Variants in SIGLEC15 observed in about 807,000 individuals in gnomAD.
SIGLEC15 encodes the protein sialic acid-binding Ig-like lectin 15.
SIGLEC15 carries 31 observed loss-of-function variants against 26.2 expected under a neutral mutation model. The observed-to-expected ratio is 1.18, with a 90% CI of 0.89 to 1.60. SIGLEC15 has a LOEUF of 1.60. Among genes scored for constraint, SIGLEC15 ranks in the 40% most tolerant of loss-of-function variants. The pLI, the probability that SIGLEC15 is intolerant of heterozygous loss-of-function variation, is 0.00. For synonymous variants in SIGLEC15, 207 were observed against 221.9 expected, an observed-to-expected ratio of 0.93 and a Z score of 0.60; for missense variants, 501 against 488.4, an observed-to-expected ratio of 1.03 and a Z score of -0.24.
At chr18:45,840,188 C>A in intron 4 of SIGLEC15, 23 bp from the exon 5 acceptor site, 1 of 1,612,776 alleles carries the variant, frequency 6.2e-7, no homozygotes. Context: ...TTCATGCCTG[C>A]TCTCTTGCTG....
In SIGLEC15 at chr18:45,837,042, A is replaced by C; in HGVS notation, c.66A>C (p.Arg22Ser). ...AWVLPTGSFV[R>S]TKIDTTENLL... ...GTTTATCTGTAGGCTCATTTGTGAG[A>C]ACTAAAATAGATACTACGGAGAACT... The change falls in exon 2 of 6, where the codon AGA (arginine) becomes AGC (serine). Residue 22 changes from arginine to serine, a missense_variant. Physicochemically the swap from Arg to Ser is moderately radical, Grantham distance 110 (BLOSUM62 -1). Coordinates refer to ENST00000389474, the MANE Select transcript of SIGLEC15 (RefSeq NM_213602.3). 1.3e-6 allele frequency: 2 copies of C among 1,503,972 alleles called. No homozygotes were observed. Among genetic ancestry groups the C allele is most frequent in the Non-Finnish European group, 9.3e-7 (1 of 1,079,894 alleles). The allele number at this position is 1,503,972 out of a possible 1,614,324, so 93.2% of individuals were successfully genotyped here.
chr18:45,836,405 GGGGCACCGGCT>G (rs140263070), intron 1 of SIGLEC15, among the ~76,000 whole-genome samples: 5,999 of 152,190 alleles, frequency 0.039, 381 homozygotes, highest in African/African-American at 0.14. Context: ...ACTGCACCCT[GGGGCACCGGCT>G]GGGCAGGCTT....
intron 1 of SIGLEC15, among the ~76,000 whole-genome samples, chr18:45,829,765 T>TCAGA (rs2048216904): frequency 6.6e-6 from 1 of 152,178 alleles, no homozygotes; most frequent in Non-Finnish European, 1.5e-5. Flanking sequence ...GCACAAAAGA[T>TCAGA]GCCTGAGGGA....
At chr18:45,827,045 G>A (rs1201167563) in intron 1 of SIGLEC15, among the ~76,000 whole-genome samples, 2 of 152,178 alleles carry the variant, frequency 1.3e-5, no homozygotes, top group South Asian at 2.1e-4. Context: ...CTCCCAAGTA[G>A]CTGGGATTAC....
In SIGLEC15 at chr18:45,838,713, T is replaced by A; in HGVS notation, c.497-5T>A. 6.4e-7 allele frequency: 1 copy of A among 1,568,888 alleles called. No homozygotes were observed. On this transcript the variant is annotated splice_polypyrimidine_tract_variant and splice_region_variant and intron_variant, in intron 3 of 5. Transcript: ENST00000389474. ...TGTGACAGTCACCCGCCTTCTCCCC[T>A]GCAGCCGCGCCGCGGATCGTCAACA...
chr18:45,842,048 G>T, intron 5 of SIGLEC15, 58 bp from the exon 6 acceptor site: 3 of 1,498,612 alleles, frequency 2.0e-6, no homozygotes, highest in Admixed American at 3.3e-5. Context: ...CATATAGTTT[G>T]GGCAGTTGTG....
At chr18:45,833,442 C>T (rs992360331) in intron 1 of SIGLEC15, among the ~76,000 whole-genome samples, 37 of 152,102 alleles carry the variant, frequency 2.4e-4, no homozygotes, top group African/African-American at 8.5e-4. Flanking sequence ...CAGCCTCCTG[C>T]ATAGGGATTA....
In SIGLEC15 at chr18:45,842,262, C is replaced by A; in HGVS notation, c.*75C>A. The A allele has an allele frequency of 6.5e-7, 1 of 1,544,278 alleles. No individual in the cohort carries two copies. Among genetic ancestry groups the A allele is most frequent in the Non-Finnish European group, 8.9e-7 (1 of 1,117,836 alleles). On this transcript the variant is annotated 3_prime_UTR_variant, in exon 6 of 6. Coordinates refer to ENST00000389474, the MANE Select transcript of SIGLEC15 (RefSeq NM_213602.3). ...CCAGTGCGAGGCTTGGCTGGCACAG[C>A]CAGTCCTGGTTCTCGGGCACCTTGG...
At chr18:45,841,824 C>T (rs1247862621) in intron 5 of SIGLEC15, among the ~76,000 whole-genome samples, 1 of 152,140 alleles carries the variant, frequency 6.6e-6, no homozygotes, top group Non-Finnish European at 1.5e-5. Flanking sequence ...ACCAGGAGGC[C>T]AGGCCGGAGA....
chr18:45,838,127 G>C (rs970285920), intron 3 of SIGLEC15, among the ~76,000 whole-genome samples: 1 of 152,220 alleles, frequency 6.6e-6, no homozygotes, highest in African/African-American at 2.4e-5. Context: ...CCCGGGAATA[G>C]GCATTGCCGT....
At chr18:45,841,862 G>T (rs541777473) in intron 5 of SIGLEC15, among the ~76,000 whole-genome samples, 5 of 152,176 alleles carry the variant, frequency 3.3e-5, no homozygotes, top group Non-Finnish European at 5.9e-5. Context: ...GGGACATGGA[G>T]CCAGTCTTGA....
chr18:45,829,320 C>G (rs763215944), intron 1 of SIGLEC15: 7 of 212,948 alleles, frequency 3.3e-5, no homozygotes, highest in Non-Finnish European at 4.9e-5. Flanking sequence ...TCCCGGGAAC[C>G]TTCAGGGTCT....
intron 1 of SIGLEC15, among the ~76,000 whole-genome samples, chr18:45,834,628 T>C (rs1240925661): frequency 6.6e-6 from 1 of 152,238 alleles, no homozygotes; most frequent in East Asian, 1.9e-4. Flanking sequence ...ATTATGTGCC[T>C]ACAAATCTGT....
In SIGLEC15 at chr18:45,837,887, C is replaced by A; in HGVS notation, c.487C>A (p.His163Asn). 6.6e-7 allele frequency: 1 copy of A among 1,523,310 alleles called. No individual in the cohort carries two copies. Among genetic ancestry groups the A allele is most frequent in the Middle Eastern group, 2.2e-4 (1 of 4,614 alleles). 94.4% of individuals were successfully genotyped at this position (1,523,310 alleles called of 1,614,324 possible). Residue 163 changes from histidine to asparagine, a missense_variant, in exon 3 of 6, where the codon CAC becomes AAC. Physicochemically the swap from His to Asn is moderately conservative, Grantham distance 68. Coordinates refer to ENST00000389474, the MANE Select transcript of SIGLEC15 (RefSeq NM_213602.3). ...CGAGAGCCGCCACGGCGTCCGGCTG[C>A]ACGTGACAGGCGAGGCGGCGTGGGA... is the stretch of plus-strand genomic sequence containing the variant. The part of the protein sequence containing the change: ...RYESRHGVRL[H>N]VTAAPRIVNI...
chr18:45,838,740 C>G lies in SIGLEC15; in HGVS notation c.519C>G (p.Ile173Met), dbSNP rs919907481. ...CAGCCGCGCCGCGGATCGTCAACAT[C>G]TCGGTGCTGCCCAGTCCGGCTCACG... is the stretch of plus-strand genomic sequence containing the variant. ...HVTAAPRIVNISVLPSPAHAF... is the reference protein window; with the variant it reads ...HVTAAPRIVNMSVLPSPAHAF... The change falls in exon 4 of 6, where the codon ATC becomes ATG. Residue 173 changes from isoleucine to methionine, a missense_variant. By Grantham distance (10) the Ile-to-Met change is conservative. Transcript: ENST00000389474. 6.3e-7 allele frequency: 1 copy of G among 1,580,556 alleles called. No individual in the cohort carries two copies. The highest frequency in any genetic ancestry group is 8.5e-7 in the Non-Finnish European group (1 of 1,172,364).
At chr18:45,830,486 C>T (rs575779376) in intron 1 of SIGLEC15, among the ~76,000 whole-genome samples, 3 of 151,982 alleles carry the variant, frequency 2.0e-5, no homozygotes, top group South Asian at 4.1e-4. Flanking sequence ...GGGGGAATTT[C>T]GCTATGAAAG....
chr18:45,842,461 GT>G lies in SIGLEC15; in HGVS notation c.*275del. 5.0e-5 allele frequency: 21 copies of G among 416,330 alleles called. No individual in the cohort carries two copies. Among genetic ancestry groups the G allele is most frequent in the Non-Finnish European group, 6.6e-5 (15 of 226,296 alleles). The allele number at this position is 416,330 out of a possible 1,614,324, so 25.8% of individuals were successfully genotyped here. On this transcript the variant is annotated 3_prime_UTR_variant, in exon 6 of 6. Transcript: ENST00000389474. The stretch of plus-strand genomic sequence containing the variant: ...TGTGTGTGAGAGAGAGAGAGAGAGA[GT>G]ACACGCATTAGCTTGAGCGTGAAAC...
At chr18:45,835,245 C>T (rs943823017) in intron 1 of SIGLEC15, among the ~76,000 whole-genome samples, 11 of 152,116 alleles carry the variant, frequency 7.2e-5, no homozygotes, top group African/African-American at 1.9e-4. Flanking sequence ...AAGTAAGAGA[C>T]CCCATGGCCG....
intron 5 of SIGLEC15, among the ~76,000 whole-genome samples, chr18:45,840,461 C>A (rs554889394): frequency 2.0e-5 from 3 of 152,224 alleles, no homozygotes; most frequent in Admixed American, 6.5e-5. Flanking sequence ...GCTCCTCCCC[C>A]ACGACTCCAG....
Sources: allele counts gnomAD v4.1 joint callset (sites outside exome capture counted in the v4.1 genomes callset), GRCh38; gene constraint gnomAD v4.1.1; transcripts MANE v1.5; gene names NCBI Gene and HGNC (gene_info 2026-07-23, HGNC 2026-07-21).